MYB: variants seen among roughly 807,000 people sequenced by gnomAD.
The protein encoded by MYB is MYB proto-oncogene, transcription factor, also known as transcriptional activator Myb.
MYB carries 28 observed loss-of-function variants against 92.9 expected under a neutral mutation model. That is an observed-to-expected ratio of 0.30 (90% CI 0.22 to 0.41). The LOEUF (loss-of-function observed/expected upper bound fraction) is 0.41, where lower values mean the gene tolerates loss of function less well. Ranked by LOEUF, MYB falls within the 10% of genes least tolerant of loss-of-function variation. The pLI is 1.00. For missense variants in MYB, 679 were observed against 929.3 expected (o/e 0.73, Z 3.50); for synonymous variants, 295 against 329.1 (o/e 0.90, Z 1.12).
chr6:135,216,069 C>G (rs1780390363), intron 15 of MYB, among the ~76,000 whole-genome samples: 1 of 152,086 alleles, frequency 6.6e-6, no homozygotes, highest in Non-Finnish European at 1.5e-5. Context: ...CTGTTTGTTT[C>G]TGTTCCCCTC....
chr6:135,199,806 G>A (rs1216514113), intron 11 of MYB, among the ~76,000 whole-genome samples: 1 of 152,214 alleles, frequency 6.6e-6, no homozygotes, highest in Non-Finnish European at 1.5e-5. Flanking sequence ...GTCTTATACA[G>A]ATCATAGGCA....
chr6:135,196,921 C>T (rs1417943847), intron 9 of MYB, 40 bp from the exon 10 acceptor site: 2 of 1,594,006 alleles, frequency 1.3e-6, no homozygotes, highest in Non-Finnish European at 1.7e-6. Context: ...GATGATGGCA[C>T]ACACTATCTC....
chr6:135,189,749 TC>T, intron 3 of MYB, 41 bp from the exon 4 acceptor site: 1 of 1,535,314 alleles, frequency 6.5e-7, no homozygotes, highest in Non-Finnish European at 9.0e-7. Context: ...CACGTGCTTA[TC>T]ACATCATATC....
In MYB at chr6:135,182,350, C is replaced by T. The variant is rs1775185074; in HGVS notation, c.23+814C>T. Among the ~76,000 whole-genome samples the T allele has an allele frequency of 3.3e-5, 5 of 152,202 alleles. No homozygotes were observed. In the South Asian group the frequency reaches 1.0e-3, roughly 31 times the overall value. Reference sequence around the variant, plus strand: ...TCCGAACTGTCAGTTGCTCGTTCCCCAGTCTCCACCGGCCTCTGGACTTTC... The same window carrying T: ...TCCGAACTGTCAGTTGCTCGTTCCCTAGTCTCCACCGGCCTCTGGACTTTC... On this transcript the variant is annotated intron_variant, in intron 1 of 15. Coordinates refer to ENST00000341911, the MANE Select transcript of MYB (RefSeq NM_001130173.2). This position sits in a 1 kb window ranked among gnomAD's most constrained non-coding sequence, Gnocchi z 5.6.
At chr6:135,203,130 A>G (rs1208428327) in intron 14 of MYB, 87 bp from the exon 15 acceptor site, 13 of 948,048 alleles carry the variant, frequency 1.4e-5, no homozygotes, top group Non-Finnish European at 2.2e-5. Context: ...ATCATCTCAT[A>G]GTAATCTACT....
intron 3 of MYB, among the ~76,000 whole-genome samples, chr6:135,188,877 C>T (rs928609724): frequency 1.3e-5 from 2 of 152,128 alleles, no homozygotes; most frequent in Non-Finnish European, 2.9e-5. Flanking sequence ...GCAGCTGTAC[C>T]TTATCTTTTC....
Position 135,200,108 on chromosome 6 carries a change from G to A in MYB, c.1733G>A (p.Arg578Lys). Residue 578 changes from arginine (R) to lysine (K), a missense_variant, in exon 12 of 16, where the codon AGG becomes AAG. Arg to Lys is a conservative substitution (Grantham distance 26). Transcript: ENST00000341911. The stretch of plus-strand genomic sequence containing the variant: ...AGTTTTAGAACCCCAGCTATCAAAA[G>A]GTCAATCTTAGAAAGCTCTCCAAGA... ...NTVFRTPAIKRSILESSPRTP... is the reference protein window; with the variant it reads ...NTVFRTPAIKKSILESSPRTP... The A allele has an allele frequency of 6.2e-7, 1 of 1,614,036 alleles. No homozygotes were observed. Among genetic ancestry groups the A allele is most frequent in the Non-Finnish European group, 8.5e-7 (1 of 1,179,928 alleles).
At chr6:135,210,325 C>T (rs1779536545) in intron 15 of MYB, among the ~76,000 whole-genome samples, 1 of 152,080 alleles carries the variant, frequency 6.6e-6, no homozygotes, top group South Asian at 2.1e-4. Flanking sequence ...TTTTCGTAAC[C>T]ACAGAATGAC....
At chr6:135,186,588 C>G (rs1254292301) in intron 2 of MYB, among the ~76,000 whole-genome samples, 1 of 152,118 alleles carries the variant, frequency 6.6e-6, no homozygotes, top group Non-Finnish European at 1.5e-5. Context: ...ACAAAACAAA[C>G]AAAAGAATAA....
At position 135,192,375 on chromosome 6, in the gene MYB, C is replaced by A. The variant is rs201287242; in HGVS notation, c.579C>A (p.Val193=). 1 of 1,614,204 alleles carries A rather than the reference C, an allele frequency of 6.2e-7. No individual in the cohort carries two copies. Residue 193 remains valine (V), a synonymous_variant, in exon 6 of 16, where the codon GTC becomes GTA. Coordinates refer to ENST00000341911, the MANE Select transcript of MYB (RefSeq NM_001130173.2). ...NHWNSTMRRK[V]EQEGYLQESS... ...GGAATTCTACAATGCGTCGGAAGGT[C>A]GAACAGGAAGGTTATCTGCAGGAGT...
At position 135,192,454 on chromosome 6, in the gene MYB, T is replaced by C; in HGVS notation, c.658T>C (p.Leu220=). ...VATSFQKNSH[L]MGFAQAPPTA... ...CACAAGCTTCCAGAAGAACAGTCAT[T>C]TGATGGGTTTTGCTCAGGCTCCGCC... The change falls in exon 6 of 16, where the codon TTG becomes CTG. Residue 220 remains leucine, a synonymous_variant. Coordinates refer to ENST00000341911, the MANE Select transcript of MYB (RefSeq NM_001130173.2). 8 of 1,614,234 alleles carry C rather than the reference T, an allele frequency of 5.0e-6. No homozygotes were observed. Among genetic ancestry groups the C allele is most frequent in the Non-Finnish European group, 6.8e-6 (8 of 1,180,036 alleles).
intron 10 of MYB, 93 bp from the exon 11 acceptor site, chr6:135,198,815 A>G: frequency 9.8e-7 from 1 of 1,023,124 alleles, no homozygotes; most frequent in Non-Finnish European, 1.4e-6. Context: ...TGGGTCAGGA[A>G]AACATTCTTG....
chr6:135,214,026 C>T (rs1369154434), intron 15 of MYB, among the ~76,000 whole-genome samples: 1 of 151,786 alleles, frequency 6.6e-6, no homozygotes, highest in Non-Finnish European at 1.5e-5. Flanking sequence ...TAATCCTAAC[C>T]CTATGAGAGG....
rs367902794 is a variant in MYB, at chr6:135,219,020, C to T, written c.*1040C>T. 9.8e-5 allele frequency: 22 copies of T among 224,638 alleles called. 3 individuals are homozygous for T. Among genetic ancestry groups the T allele is most frequent in the Admixed American group, 4.0e-4 (7 of 17,490 alleles). The allele number at this position is 224,638 out of a possible 1,614,324, so 13.9% of individuals were successfully genotyped here. ...TGGTCTCAGAACTGTTGCATGGATC[C>T]TGTGTTTGCAACTGGGGAGACAGAA... is the stretch of plus-strand genomic sequence containing the variant. On this transcript the variant is annotated 3_prime_UTR_variant, in exon 16 of 16. Transcript: ENST00000341911.
chr6:135,193,750 G>T, intron 6 of MYB, 88 bp from the exon 7 acceptor site: 9 of 820,830 alleles, frequency 1.1e-5, no homozygotes, highest in African/African-American at 5.2e-5. Flanking sequence ...TTTTCTCTCA[G>T]TCCCAGAACG....
Position 135,218,056 on chromosome 6 carries a change from C to A in MYB, c.*76C>A. The A allele has an allele frequency of 3.4e-6, 4 of 1,180,376 alleles. No homozygotes were observed. The highest frequency in any genetic ancestry group is 5.1e-6 in the Non-Finnish European group (4 of 789,598). The allele number at this position is 1,180,376 out of a possible 1,614,324, so 73.1% of individuals were successfully genotyped here. A position where few individuals can be genotyped will look rare whatever the true frequency, so the allele number is the denominator to read the frequency against. ...GGATATATCATTCCTCAACATGAAA[C>A]TTTTCATGAATGGGAGAAGAACCTA... On this transcript the variant is annotated 3_prime_UTR_variant, in exon 16 of 16. Transcript: ENST00000341911.
chr6:135,192,936 C>G (rs1776809243), intron 6 of MYB, among the ~76,000 whole-genome samples: 1 of 152,190 alleles, frequency 6.6e-6, no homozygotes, highest in African/African-American at 2.4e-5. Flanking sequence ...TAATGTTTTT[C>G]TCTTCCAAAA....
chr6:135,189,905 G>C, intron 4 of MYB, 22 bp downstream of exon 4: 1 of 1,586,978 alleles, frequency 6.3e-7, no homozygotes, highest in African/African-American at 1.3e-5. Context: ...CTTCATTGGT[G>C]TGTGACTCAT....
At chr6:135,188,640 G>A (rs561197117) in intron 3 of MYB, among the ~76,000 whole-genome samples, 1 of 151,944 alleles carries the variant, frequency 6.6e-6, no homozygotes, top group East Asian at 1.9e-4. Context: ...CCCCTTAGTA[G>A]ATGGGATCAC....
Sources: gnomAD v4.1 joint callset for allele counts (sites outside exome capture counted in the v4.1 genomes callset) on GRCh38, gnomAD v4.1.1 for gene constraint, Gnocchi (gnomAD v3.1) non-coding constraint, MANE v1.5 for transcripts, NCBI Gene and HGNC (gene_info 2026-07-23, HGNC 2026-07-21) for gene names.